Variants in CRYM observed in about 807,000 individuals in gnomAD.
CRYM encodes the protein ketimine reductase mu-crystallin.
A neutral mutation model predicts 32.9 loss-of-function variants in CRYM; 18 were observed. That is an observed-to-expected ratio of 0.55 (90% CI 0.38 to 0.81). The LOEUF is 0.81. CRYM is among the 30% of genes least tolerant of loss of function. The pLI is 0.00. For synonymous variants in CRYM, 153 were observed against 152.4 expected, an observed-to-expected ratio of 1.00 and a Z score of -0.03; for missense variants, 337 against 393.5, an observed-to-expected ratio of 0.86 and a Z score of 1.21.
chr16:21,272,623 C>T (rs143005681), intron 3 of CRYM, among the ~76,000 whole-genome samples: 8 of 151,254 alleles, frequency 5.3e-5, no homozygotes, highest in African/African-American at 1.5e-4. Flanking sequence ...CACTTGTCAG[C>T]GTTGTAGTTT....
Position 21,278,244 on chromosome 16 carries a change from C to A in CRYM, c.8G>T (p.Arg3Leu), listed in dbSNP as rs149797560. 182 of 1,584,580 alleles carry A rather than the reference C, an allele frequency of 1.1e-4. 2 individuals carry two copies. Among genetic ancestry groups the A allele is most frequent in the South Asian group, 9.5e-4 (83 of 87,068 alleles). MSRVPAFLSAAEV... is the reference protein window; with the variant it reads MSLVPAFLSAAEV... ...GGCCGCGCTCAGGAACGCTGGTACC[C>A]GGCTCATCTCGCCACCTGTGCCTTC... The change falls in exon 1 of 8, where the codon CGG (arginine) becomes CTG (leucine). Residue 3 changes from arginine to leucine, a missense_variant. By Grantham distance (102) the Arg-to-Leu change is moderately radical. Transcript: ENST00000572914.
At chr16:21,299,289 G>C (rs1960850599) in intron 1 of CRYM, among the ~76,000 whole-genome samples, 2 of 151,854 alleles carry the variant, frequency 1.3e-5, no homozygotes, top group South Asian at 4.2e-4. Context: ...GCAACATTAG[G>C]CTTTTAGTTT....
At position 21,267,622 on chromosome 16, in the gene CRYM, A is replaced by C. The variant is rs145206789; in HGVS notation, c.605T>G (p.Ile202Ser). 3.7e-6 allele frequency: 6 copies of C among 1,614,010 alleles called. No individual in the cohort carries two copies. In the African/African-American group the frequency reaches 8.0e-5, roughly 22 times the overall value. The change falls in exon 5 of 8, where the codon ATC becomes AGC. Residue 202 changes from isoleucine to serine, a missense_variant. By Grantham distance (142) the Ile-to-Ser change is moderately radical. Coordinates refer to ENST00000572914, the MANE Select transcript of CRYM (RefSeq NM_001376256.1). ...GGGCTCTGTTGCCAGGGTGACTGTG[A>C]TGATCACATCTGCACCTGCCACAGC... is the stretch of plus-strand genomic sequence containing the variant. ...QEAVAGADVI[I>S]TVTLATEPIL...
intron 3 of CRYM, among the ~76,000 whole-genome samples, chr16:21,270,134 C>G (rs192772726): frequency 9.2e-5 from 14 of 152,254 alleles, no homozygotes; most frequent in Admixed American, 2.6e-4. Flanking sequence ...CTCATTTAGT[C>G]TAGACATTGA....
Position 21,258,595 on chromosome 16 carries a change from A to T in CRYM, c.*186T>A, listed in dbSNP as rs1011317314. 4 of 647,282 alleles carry T rather than the reference A, an allele frequency of 6.2e-6. No homozygotes were observed. The Admixed American group carries it at 9.4e-5, about 15-fold the overall frequency. 40.1% of individuals were successfully genotyped at this position (647,282 alleles called of 1,614,324 possible). Reference sequence around the variant, plus strand: ...TGCTATTATAACTTGGTAGAACAGAAGAAATGGCTACCTAGCTTTGCTTTC... The same window carrying T: ...TGCTATTATAACTTGGTAGAACAGATGAAATGGCTACCTAGCTTTGCTTTC... On this transcript the variant is annotated 3_prime_UTR_variant, in exon 8 of 8. Coordinates refer to ENST00000572914, the MANE Select transcript of CRYM (RefSeq NM_001376256.1).
chr16:21,292,419 G>C (rs1008173771), intron 1 of CRYM, among the ~76,000 whole-genome samples: 4 of 152,100 alleles, frequency 2.6e-5, no homozygotes, highest in Non-Finnish European at 5.9e-5. Context: ...AAAAATTAAA[G>C]ATGACTTGAG....
Position 21,278,246 on chromosome 16 carries a change from G to A in CRYM, c.6C>T (p.Ser2=), listed in dbSNP as rs1341642032. Residue 2 remains serine, a synonymous_variant, in exon 1 of 8, where the codon AGC becomes AGT. Transcript: ENST00000572914. The part of the protein sequence containing the change: M[S]RVPAFLSAAE... ...CCGCGCTCAGGAACGCTGGTACCCG[G>A]CTCATCTCGCCACCTGTGCCTTCTA... The A allele has an allele frequency of 6.3e-7, 1 of 1,584,742 alleles. No homozygotes were observed. Among genetic ancestry groups the A allele is most frequent in the African/African-American group, 1.3e-5 (1 of 74,214 alleles).
At chr16:21,300,765 G>C (rs955246367) in intron 1 of CRYM, 2 of 152,378 alleles carry the variant, frequency 1.3e-5, no homozygotes, top group Non-Finnish European at 2.9e-5. Flanking sequence ...GGAGCAAGTC[G>C]TATCCGGCAT....
rs1468645925 is a variant in CRYM at position 21,267,544 on chromosome 16, C to T, written c.673+10G>A. 6.2e-7 allele frequency: 1 copy of T among 1,613,268 alleles called. No homozygotes were observed. Among genetic ancestry groups the T allele is most frequent in the Non-Finnish European group, 8.5e-7 (1 of 1,180,004 alleles). On this transcript the variant is annotated intron_variant, in intron 5 of 7. Transcript: ENST00000572914. Reference sequence around the variant, plus strand: ...CCACCCATCATGCCTTATGGAGCCACTCTACTTACCATTGATGTGAGCCCC... The same window carrying T: ...CCACCCATCATGCCTTATGGAGCCATTCTACTTACCATTGATGTGAGCCCC...
intron 3 of CRYM, among the ~76,000 whole-genome samples, chr16:21,275,118 G>A (rs1021314161): frequency 6.6e-5 from 10 of 152,214 alleles, no homozygotes; most frequent in African/African-American, 1.9e-4. Flanking sequence ...CAATTATACT[G>A]TCTTACCAGG....
chr16:21,296,609 G>A (rs984360516), intron 1 of CRYM, among the ~76,000 whole-genome samples: 1 of 152,154 alleles, frequency 6.6e-6, no homozygotes, highest in Non-Finnish European at 1.5e-5. Flanking sequence ...ATGGGGCAGG[G>A]ACTTTTATAT....
chr16:21,272,608 T>TA (rs2093377861), intron 3 of CRYM, among the ~76,000 whole-genome samples: 1 of 152,040 alleles, frequency 6.6e-6, no homozygotes, highest in Non-Finnish European at 1.5e-5. Context: ...TTTACACTCT[T>TA]ACAGCACTTG....
intron 3 of CRYM, among the ~76,000 whole-genome samples, chr16:21,273,784 T>C (rs1182934074): frequency 6.6e-6 from 1 of 152,180 alleles, no homozygotes; most frequent in Non-Finnish European, 1.5e-5. Flanking sequence ...GACAAGGGGC[T>C]GGAAATGAGT....
At chr16:21,263,495 G>A (rs1206457872) in intron 5 of CRYM, among the ~76,000 whole-genome samples, 1 of 152,016 alleles carries the variant, frequency 6.6e-6, no homozygotes. Context: ...GACCACAGAC[G>A]CCTGCCACTA....
At chr16:21,267,949 G>A (rs576784853) in intron 4 of CRYM, among the ~76,000 whole-genome samples, 3 of 152,314 alleles carry the variant, frequency 2.0e-5, no homozygotes, top group East Asian at 1.9e-4. Context: ...GAAAATCAGC[G>A]TTCTCTACCA....
At chr16:21,259,062 T>G (rs151232086) in intron 7 of CRYM, among the ~76,000 whole-genome samples, 3 of 152,292 alleles carry the variant, frequency 2.0e-5, no homozygotes, top group Admixed American at 6.5e-5. Context: ...TTGTGCATCT[T>G]TCTAAATCTA....
At chr16:21,302,065 C>T (rs777203352) in intron 1 of CRYM, among the ~76,000 whole-genome samples, 2 of 152,198 alleles carry the variant, frequency 1.3e-5, no homozygotes, top group African/African-American at 2.4e-5. Flanking sequence ...CCTCATCCCC[C>T]CGCCAACACA....
At position 21,278,229 on chromosome 16, in the gene CRYM, A is replaced by C; in HGVS notation, c.23T>G (p.Leu8Arg). MSRVPAF[L>R]SAAEVEEHLR... is the part of the protein sequence containing the mutation. ...GTGTTCCTCCACCTCGGCCGCGCTCAGGAACGCTGGTACCCGGCTCATCTC... is the reference window on the plus strand; with the variant it reads ...GTGTTCCTCCACCTCGGCCGCGCTCCGGAACGCTGGTACCCGGCTCATCTC... The change falls in exon 1 of 8, where the codon CTG becomes CGG. Residue 8 changes from leucine (L) to arginine (R), a missense_variant. Leu to Arg is a moderately radical substitution (Grantham distance 102, BLOSUM62 -2). Transcript: ENST00000572914. The C allele has an allele frequency of 6.3e-7, 1 of 1,579,422 alleles. No individual in the cohort carries two copies. Among genetic ancestry groups the C allele is most frequent in the Non-Finnish European group, 8.6e-7 (1 of 1,165,466 alleles).
rs2093387944 is a variant in CRYM, at chr16:21,277,022, C to CT, written c.324+408_324+409insA. ...GATTAGATATTAAAACAGGTCACACCGTATACCCCTCTGAAGACTCCCAGG... is the reference window on the plus strand; with the variant it reads ...GATTAGATATTAAAACAGGTCACACCTGTATACCCCTCTGAAGACTCCCAGG... On this transcript the variant is annotated intron_variant, in intron 2 of 7. Coordinates refer to ENST00000572914, the MANE Select transcript of CRYM (RefSeq NM_001376256.1). The surrounding 1 kb of genome is among the most constrained non-coding windows in gnomAD (Gnocchi z 4.2). Among the ~76,000 whole-genome samples, 1 of 152,116 alleles carries CT rather than the reference C, an allele frequency of 6.6e-6. No homozygotes were observed. Among genetic ancestry groups the CT allele is most frequent in the South Asian group, 2.1e-4 (1 of 4,826 alleles).
Sources: gnomAD v4.1 joint callset for allele counts (sites outside exome capture counted in the v4.1 genomes callset) on GRCh38, gnomAD v4.1.1 for gene constraint, Gnocchi (gnomAD v3.1) non-coding constraint, MANE v1.5 for transcripts, NCBI Gene and HGNC (gene_info 2026-07-23, HGNC 2026-07-21) for gene names.